Variants in SUPT3H observed in about 807,000 individuals in gnomAD.
SUPT3H encodes SPT3 homolog, SAGA and STAGA complex component.
In SUPT3H, 44 loss-of-function variants were observed where a neutral mutation model predicts 44.3. That is an observed-to-expected ratio of 0.99 (90% CI 0.78 to 1.28). The LOEUF (loss-of-function observed/expected upper bound fraction) is 1.28. SUPT3H is among the 50% of genes most tolerant of loss of function. SUPT3H has a pLI of 0.00. For synonymous variants in SUPT3H, 124 were observed against 125.6 expected (o/e 0.99, Z 0.09); for missense variants, 380 against 387.1 (o/e 0.98, Z 0.15).
rs576335512 is a variant in SUPT3H at position 44,969,661 on chromosome 6, G to A, written c.505-7833C>T. Among the ~76,000 whole-genome samples, 343 of 152,270 alleles carry A rather than the reference G, an allele frequency of 2.3e-3. 2 individuals are homozygous for A. The highest frequency in any genetic ancestry group is 1.9e-3 in the Non-Finnish European group (127 of 68,014). ...AAGGAGAACGTCATGCAATATTTAA[G>A]GGACCGACTCAGAATCCTGACTGAT... On this transcript the variant is annotated intron_variant, in intron 6 of 10. Transcript: ENST00000371459.
At chr6:45,241,668 G>A (rs1235394529) in intron 2 of SUPT3H, among the ~76,000 whole-genome samples, 1 of 152,120 alleles carries the variant, frequency 6.6e-6, no homozygotes, top group Non-Finnish European at 1.5e-5. Context: ...GAGCTGCTGG[G>A]TTAGGGTCTC....
intron 2 of SUPT3H, among the ~76,000 whole-genome samples, chr6:45,188,561 G>A (rs914319365): frequency 6.6e-6 from 1 of 152,134 alleles, no homozygotes; most frequent in African/African-American, 2.4e-5. Flanking sequence ...GCACAGATAA[G>A]GGGAGACTAC....
At chr6:44,884,763 G>A (rs190831524) in intron 10 of SUPT3H, among the ~76,000 whole-genome samples, 4 of 152,142 alleles carry the variant, frequency 2.6e-5, no homozygotes, top group South Asian at 2.1e-4. Context: ...GACAGTGGGC[G>A]CAGGTCAGTG....
intron 2 of SUPT3H, among the ~76,000 whole-genome samples, chr6:45,115,825 G>C (rs1298622469): frequency 1.3e-5 from 2 of 152,126 alleles, no homozygotes; most frequent in African/African-American, 2.4e-5. Context: ...TATTATACTA[G>C]CTGAGAATTT....
chr6:45,371,783 G>C lies in SUPT3H; in HGVS notation c.-1+5985C>G, dbSNP rs868716255. The C allele has an allele frequency of 3.9e-5, 38 of 968,828 alleles. No homozygotes were observed. In the Middle Eastern group the frequency reaches 2.6e-3, roughly 67 times the overall value. The allele number at this position is 968,828 out of a possible 1,614,324, so 60.0% of individuals were successfully genotyped here. A position where few individuals can be genotyped will look rare whatever the true frequency, so the allele number is the denominator to read the frequency against. On this transcript the variant is annotated intron_variant, in intron 1 of 10. Coordinates refer to ENST00000371459, the MANE Select transcript of SUPT3H (RefSeq NM_003599.4). ...GGTAGATGGATAAGCAACTATAACA[G>C]ACAAACATATATGCAAATTGGTGGG...
chr6:45,071,842 A>C (rs1423673670), intron 3 of SUPT3H, among the ~76,000 whole-genome samples: 1 of 152,180 alleles, frequency 6.6e-6, no homozygotes, highest in Middle Eastern at 3.2e-3. Flanking sequence ...TCTGATGCCC[A>C]GACCTACCAA....
intron 2 of SUPT3H, among the ~76,000 whole-genome samples, chr6:45,359,862 G>A (rs1465821531): frequency 3.9e-5 from 6 of 152,100 alleles, no homozygotes; most frequent in African/African-American, 9.7e-5. Flanking sequence ...TGGGCAACAC[G>A]ACAAAATCCT....
intron 2 of SUPT3H, among the ~76,000 whole-genome samples, chr6:45,228,765 A>G (rs1344270325): frequency 6.6e-6 from 1 of 152,008 alleles, no homozygotes; most frequent in Non-Finnish European, 1.5e-5. Context: ...TCTCCTCCCA[A>G]AGAAGCTGGG....
intron 6 of SUPT3H, among the ~76,000 whole-genome samples, chr6:44,982,422 A>C (rs1779225253): frequency 6.6e-6 from 1 of 152,086 alleles, no homozygotes; most frequent in African/African-American, 2.4e-5. Flanking sequence ...ACAGTGTTTC[A>C]CCGTGTTAGC....
intron 11 of SUPT3H, among the ~76,000 whole-genome samples, chr6:44,812,939 TG>T (rs1377349137): frequency 1.3e-5 from 2 of 151,956 alleles, no homozygotes; most frequent in Admixed American, 1.3e-4. Context: ...GTACATATGG[TG>T]GGGTGGGGGG....
Position 44,842,457 on chromosome 6 carries a change from G to C in SUPT3H, c.913-12600C>G, listed in dbSNP as rs142339081. 2.6e-3 allele frequency among the ~76,000 whole-genome samples: 388 copies of C among 152,098 alleles called. 2 individuals are homozygous for C. Among genetic ancestry groups the C allele is most frequent in the African/African-American group, 8.5e-3 (354 of 41,470 alleles). ...AATAAATGTTTCCTCTACAAAAACAGGTAAGTGGTATCAGTGTCAGGACAT... is the reference window on the plus strand; with the variant it reads ...AATAAATGTTTCCTCTACAAAAACACGTAAGTGGTATCAGTGTCAGGACAT... On this transcript the variant is annotated intron_variant, in intron 10 of 10. Transcript: ENST00000371459.
chr6:45,248,749 T>C (rs1186858035), intron 2 of SUPT3H, among the ~76,000 whole-genome samples: 1 of 152,010 alleles, frequency 6.6e-6, no homozygotes, highest in Non-Finnish European at 1.5e-5. Flanking sequence ...ACCCAGTCTC[T>C]ACTAAAATAC....
In SUPT3H at chr6:45,075,486, G is replaced by A. The variant is rs1012515398; in HGVS notation, c.186+30436C>T. On this transcript the variant is annotated intron_variant, in intron 3 of 10. Transcript: ENST00000371459. ...CACTGAATAACAAAATATTTCCTTC[G>A]GAGAGAAATGCTTACTGTCTTCTGC... Among the ~76,000 whole-genome samples, 9 of 151,984 alleles carry A rather than the reference G, an allele frequency of 5.9e-5. No homozygotes were observed. In the East Asian group the frequency reaches 9.6e-4, roughly 16 times the overall value.
At chr6:44,867,919 C>G (rs1395689607) in intron 10 of SUPT3H, among the ~76,000 whole-genome samples, 1 of 151,736 alleles carries the variant, frequency 6.6e-6, no homozygotes, top group Non-Finnish European at 1.5e-5. Flanking sequence ...TTTCCTCCTC[C>G]TTCTCTTTTT....
At chr6:45,030,945 AAG>A (rs1786824706) in intron 3 of SUPT3H, among the ~76,000 whole-genome samples, 1 of 152,176 alleles carries the variant, frequency 6.6e-6, no homozygotes, top group African/African-American at 2.4e-5. Context: ...GTACATCCCG[AAG>A]AGTGTTCCAG....
intron 2 of SUPT3H, among the ~76,000 whole-genome samples, chr6:45,290,762 A>C (rs1350658436): frequency 6.6e-6 from 1 of 152,194 alleles, no homozygotes; most frequent in African/African-American, 2.4e-5. Context: ...ACAGTAGCTA[A>C]CACTGAGGAC....
intron 10 of SUPT3H, among the ~76,000 whole-genome samples, chr6:44,901,273 G>GA (rs1223448684): frequency 6.6e-6 from 1 of 151,896 alleles, no homozygotes; most frequent in Non-Finnish European, 1.5e-5. Context: ...TAAAAACCTT[G>GA]AAAAAAAATT....
At chr6:44,849,354 G>A (rs1439743992) in intron 10 of SUPT3H, among the ~76,000 whole-genome samples, 2 of 147,488 alleles carry the variant, frequency 1.4e-5, no homozygotes, top group Non-Finnish European at 3.0e-5. Flanking sequence ...AGCCTCCCAA[G>A]TAGCTGGGAC....
chr6:44,988,700 A>G (rs1780177428), intron 6 of SUPT3H, among the ~76,000 whole-genome samples: 1 of 151,958 alleles, frequency 6.6e-6, no homozygotes, highest in Non-Finnish European at 1.5e-5. Context: ...CTAGAAATGC[A>G]ATTTCTGCAT....
Sources: allele counts gnomAD v4.1 joint callset (sites outside exome capture counted in the v4.1 genomes callset), GRCh38; gene constraint gnomAD v4.1.1; transcripts MANE v1.5; gene names NCBI Gene and HGNC (gene_info 2026-07-23, HGNC 2026-07-21).